ARHGAP15: variants seen among roughly 807,000 people sequenced by gnomAD.
The protein encoded by ARHGAP15 is Rho GTPase activating protein 15.
Under a neutral mutation model 63.7 loss-of-function variants are expected in ARHGAP15, and 51 were observed. That is an observed-to-expected ratio of 0.80 (90% CI 0.64 to 1.01). ARHGAP15 has a LOEUF of 1.01. Ranked by LOEUF, ARHGAP15 falls within the 50% of genes least tolerant of loss-of-function variation. The pLI is 0.00. For missense variants in ARHGAP15, 560 were observed against 564.6 expected (o/e 0.99, Z 0.08); for synonymous variants, 191 against 193.8 (o/e 0.99, Z 0.12).
intron 12 of ARHGAP15, among the ~76,000 whole-genome samples, chr2:143,632,498 G>T (rs527658880): frequency 5.3e-5 from 8 of 151,866 alleles, no homozygotes; most frequent in South Asian, 2.1e-4. Flanking sequence ...TAAATGCCTG[G>T]TTTTTTTTAA....
chr2:143,397,152 A>AAG (rs1250679690), intron 6 of ARHGAP15, among the ~76,000 whole-genome samples: 4 of 152,130 alleles, frequency 2.6e-5, no homozygotes, highest in African/African-American at 9.7e-5. Flanking sequence ...GATTCATGGC[A>AAG]AGAGAATACA....
chr2:143,187,046 A>C (rs1198787811), intron 2 of ARHGAP15, among the ~76,000 whole-genome samples: 1 of 152,160 alleles, frequency 6.6e-6, no homozygotes, highest in Non-Finnish European at 1.5e-5. Flanking sequence ...AGATCCAAGG[A>C]TCTAGTGGCC....
chr2:143,447,456 T>C (rs926184286), intron 8 of ARHGAP15, among the ~76,000 whole-genome samples: 2 of 152,138 alleles, frequency 1.3e-5, no homozygotes, highest in Non-Finnish European at 2.9e-5. Context: ...CAAACTATAG[T>C]GTATTGATCA....
intron 6 of ARHGAP15, among the ~76,000 whole-genome samples, chr2:143,379,402 AATTCATAGTAAAATGACCCACACTGACC>A (rs1475996642): frequency 1.7e-4 from 25 of 151,420 alleles, no homozygotes; most frequent in East Asian, 1.4e-3. Context: ...TCAGTGCTTG[AATTCATAGTAAAATGACCCACACTGACC>A]ATTCATAGTA....
In ARHGAP15 at chr2:143,174,441, T is replaced by A. The variant is rs1035390214; in HGVS notation, c.165+18786T>A. Among the ~76,000 whole-genome samples, 4 of 152,074 alleles carry A rather than the reference T, an allele frequency of 2.6e-5. No individual in the cohort carries two copies. The South Asian group carries it at 8.3e-4, about 31-fold the overall frequency. ...ACACTAACTGAGCTTTTAATTTTTT[T>A]TAAAAAAAGAAACATACAAAATACT... On this transcript the variant is annotated intron_variant, in intron 2 of 13. Coordinates refer to ENST00000295095, the MANE Select transcript of ARHGAP15 (RefSeq NM_018460.4).
intron 2 of ARHGAP15, among the ~76,000 whole-genome samples, chr2:143,173,158 G>A (rs767687507): frequency 2.0e-5 from 3 of 152,006 alleles, no homozygotes; most frequent in Non-Finnish European, 4.4e-5. Context: ...AATTGAAAAT[G>A]AGTCAAAACT....
intron 12 of ARHGAP15, among the ~76,000 whole-genome samples, chr2:143,673,230 C>G (rs1682620715): frequency 6.6e-6 from 1 of 151,952 alleles, no homozygotes; most frequent in Non-Finnish European, 1.5e-5. Context: ...ATCTAGAAAA[C>G]AAACAGAGTG....
At chr2:143,365,809 A>G (rs1362917704) in intron 6 of ARHGAP15, among the ~76,000 whole-genome samples, 1 of 152,294 alleles carries the variant, frequency 6.6e-6, no homozygotes, top group African/African-American at 2.4e-5. Flanking sequence ...AACCACAACT[A>G]TTTTTGCTTC....
At chr2:143,301,458 C>CT (rs1339991921) in intron 6 of ARHGAP15, among the ~76,000 whole-genome samples, 1 of 151,894 alleles carries the variant, frequency 6.6e-6, no homozygotes, top group African/African-American at 2.4e-5. Context: ...ATGTGATAAA[C>CT]TTTAGCTATG....
chr2:143,147,089 A>G (rs1169223427), intron 1 of ARHGAP15, among the ~76,000 whole-genome samples: 1 of 152,078 alleles, frequency 6.6e-6, no homozygotes, highest in Non-Finnish European at 1.5e-5. Flanking sequence ...AAGCACTTTA[A>G]GAAGGAAAGA....
At chr2:143,641,221 CG>C (rs1680583082) in intron 12 of ARHGAP15, 1 of 151,792 alleles carries the variant, frequency 6.6e-6, no homozygotes, top group African/African-American at 2.4e-5. Flanking sequence ...ACTTGCTTAG[CG>C]GTGGGGGCTC....
At chr2:143,199,111 G>T (rs996517375) in intron 2 of ARHGAP15, among the ~76,000 whole-genome samples, 1 of 152,088 alleles carries the variant, frequency 6.6e-6, no homozygotes, top group African/African-American at 2.4e-5. Flanking sequence ...GATACCAAAT[G>T]CATATATTCT....
chr2:143,413,966 T>TGTGTGCGCACGCGCGCGC, intron 6 of ARHGAP15, among the ~76,000 whole-genome samples: 3 of 117,910 alleles, frequency 2.5e-5, no homozygotes, highest in African/African-American at 1.1e-4. Context: ...TGTGTGTGTG[T>TGTGTGCGCACGCGCGCGC]GCGCGCTCTC....
At chr2:143,134,151 CTACCTATCTATCTATCAT>C (rs1689036966) in intron 1 of ARHGAP15, among the ~76,000 whole-genome samples, 1 of 17,676 alleles carries the variant, frequency 5.7e-5, no homozygotes, top group African/African-American at 1.0e-4. Context: ...ATCTATCTAT[CTACCTATCTATCTATCAT>C]CTATCTATCT....
chr2:143,444,762 C>T (rs77585275), intron 8 of ARHGAP15, among the ~76,000 whole-genome samples: 5,196 of 152,148 alleles, frequency 0.034, 124 homozygotes, highest in Non-Finnish European at 0.046. Flanking sequence ...GTATAGCCCT[C>T]ACTAAACAAA....
At chr2:143,656,103 C>T (rs2105310014) in intron 12 of ARHGAP15, 1 of 152,258 alleles carries the variant, frequency 6.6e-6, no homozygotes, top group East Asian at 1.9e-4. Context: ...AGTTATTGTG[C>T]AGAATCCACA....
intron 11 of ARHGAP15, among the ~76,000 whole-genome samples, chr2:143,569,004 G>A (rs1482571307): frequency 2.6e-5 from 4 of 152,054 alleles, no homozygotes; most frequent in African/African-American, 7.2e-5. Context: ...CACACACCAG[G>A]GCCTGTCATA....
At chr2:143,218,904 G>A (rs927510389) in intron 4 of ARHGAP15, among the ~76,000 whole-genome samples, 1 of 152,158 alleles carries the variant, frequency 6.6e-6, no homozygotes, top group Non-Finnish European at 1.5e-5. Flanking sequence ...AATGCATTGC[G>A]CTATGATGTT....
chr2:143,214,329 C>T (rs2105140003), intron 3 of ARHGAP15, among the ~76,000 whole-genome samples: 1 of 152,188 alleles, frequency 6.6e-6, no homozygotes, highest in Middle Eastern at 3.4e-3. Context: ...TCTCAGTATA[C>T]ATTCCTAAAG....
Sources: allele counts gnomAD v4.1 joint callset (sites outside exome capture counted in the v4.1 genomes callset), GRCh38; gene constraint gnomAD v4.1.1; transcripts MANE v1.5; gene names NCBI Gene and HGNC (gene_info 2026-07-23, HGNC 2026-07-21).